The following JAM3 variants were observed in gnomAD, a reference collection of about 807,000 sequenced individuals.
The protein encoded by JAM3 is junctional adhesion molecule 3.
In JAM3, 31 loss-of-function variants were observed where a neutral mutation model predicts 39.4. The observed-to-expected ratio is 0.79, with a 90% CI of 0.59 to 1.06. The LOEUF (loss-of-function observed/expected upper bound fraction) is 1.06. Ranked by LOEUF, JAM3 falls within the 50% of genes least tolerant of loss-of-function variation. The pLI, the probability that JAM3 is intolerant of heterozygous loss-of-function variation, is 0.00. For synonymous variants in JAM3, 182 were observed against 148.7 expected (o/e 1.22, Z -1.63); for missense variants, 455 against 391.4 (o/e 1.16, Z -1.37).
In JAM3 at chr11:134,142,876, T is replaced by C. The variant is rs141163344; in HGVS notation, c.257-1365T>C. Among the ~76,000 whole-genome samples, 23 of 152,342 alleles carry C rather than the reference T, an allele frequency of 1.5e-4. No homozygotes were observed. In the East Asian group the frequency reaches 3.3e-3, roughly 22 times the overall value. Reference sequence around the variant, plus strand: ...ACTGTGGTCTTCCATGGCTGACGTCTTTCACTCAGCATCCTGTTTTCAAGG... The same window carrying C: ...ACTGTGGTCTTCCATGGCTGACGTCCTTCACTCAGCATCCTGTTTTCAAGG... On this transcript the variant is annotated intron_variant, in intron 3 of 8. Coordinates refer to ENST00000299106, the MANE Select transcript of JAM3 (RefSeq NM_032801.5).
At chr11:134,145,517 C>A in intron 5 of JAM3, 1 of 321,364 alleles carries the variant, frequency 3.1e-6, no homozygotes, top group African/African-American at 2.1e-5. Flanking sequence ...GACAAAGTGA[C>A]CTGGCCAGCA....
intron 1 of JAM3, among the ~76,000 whole-genome samples, chr11:134,116,034 G>T (rs1018502492): frequency 6.6e-6 from 1 of 152,192 alleles, no homozygotes; most frequent in East Asian, 1.9e-4. Context: ...TTTAGGTGGT[G>T]TCTACAAGGT....
intron 3 of JAM3, among the ~76,000 whole-genome samples, chr11:134,141,560 G>A (rs948027655): frequency 1.3e-5 from 2 of 152,082 alleles, no homozygotes; most frequent in Non-Finnish European, 2.9e-5. Context: ...CTCAGGGGAG[G>A]TGCCGTGGCT....
chr11:134,123,892 A>T lies in JAM3; in HGVS notation c.77-15959A>T, dbSNP rs1442787332. The T allele has an allele frequency of 6.2e-6, 6 of 967,704 alleles. No homozygotes were observed. In the East Asian group the frequency reaches 1.4e-4, roughly 23 times the overall value. 59.9% of individuals were successfully genotyped at this position (967,704 alleles called of 1,614,324 possible). On this transcript the variant is annotated intron_variant, in intron 1 of 8. Transcript: ENST00000299106. ...CACATCTTAGGTCAGTATTTCTCCA[A>T]GTAAAGCAGCTGTTTGGAATTGAAG...
intron 1 of JAM3, among the ~76,000 whole-genome samples, chr11:134,073,679 A>G (rs1437419005): frequency 6.6e-6 from 1 of 151,994 alleles, no homozygotes; most frequent in Non-Finnish European, 1.5e-5. Context: ...AGGGTAATTG[A>G]CTCCGATTTA....
chr11:134,119,943 C>T (rs1942502819), intron 1 of JAM3, among the ~76,000 whole-genome samples: 1 of 152,104 alleles, frequency 6.6e-6, no homozygotes, highest in Non-Finnish European at 1.5e-5. Flanking sequence ...TGGCTGTGCT[C>T]TTGTCAGAAC....
chr11:134,131,707 C>G (rs974418503), intron 1 of JAM3, among the ~76,000 whole-genome samples: 1 of 152,026 alleles, frequency 6.6e-6, no homozygotes, highest in Non-Finnish European at 1.5e-5. Context: ...GGCAATCAGG[C>G]AAACAGTCCC....
rs1942946833 is a variant in JAM3 at position 134,140,059 on chromosome 11, A to C, written c.142+143A>C. 1.4e-5 allele frequency: 10 copies of C among 715,000 alleles called. No homozygotes were observed. In the Admixed American group the frequency reaches 2.0e-4, roughly 15 times the overall value. The allele number at this position is 715,000 out of a possible 1,614,324, so 44.3% of individuals were successfully genotyped here. On this transcript the variant is annotated intron_variant, in intron 2 of 8. Coordinates refer to ENST00000299106, the MANE Select transcript of JAM3 (RefSeq NM_032801.5). ...ACTGCTCTGCGGTGCACAGGCCTGG[A>C]AGCATGGCATCAGCAGGCCGGCAGT... is the stretch of plus-strand genomic sequence containing the variant.
chr11:134,113,495 A>C (rs556714367), intron 1 of JAM3, among the ~76,000 whole-genome samples: 1 of 152,262 alleles, frequency 6.6e-6, no homozygotes, highest in South Asian at 2.1e-4. Context: ...TTCCAGCTTC[A>C]TCCATATCCC....
chr11:134,087,280 A>G (rs1941761234), intron 1 of JAM3, among the ~76,000 whole-genome samples: 2 of 152,200 alleles, frequency 1.3e-5, no homozygotes, highest in Non-Finnish European at 2.9e-5. Context: ...GAAGAAAAGG[A>G]AAACACTGTA....
chr11:134,097,655 A>C (rs141467540), intron 1 of JAM3, among the ~76,000 whole-genome samples: 1 of 152,288 alleles, frequency 6.6e-6, no homozygotes, highest in East Asian at 1.9e-4. Flanking sequence ...AAAGCATTAA[A>C]AACAATTTAA....
chr11:134,122,949 A>C (rs1279346663), intron 1 of JAM3, among the ~76,000 whole-genome samples: 1 of 152,212 alleles, frequency 6.6e-6, no homozygotes, highest in Non-Finnish European at 1.5e-5. Context: ...TTTAGAAGAC[A>C]AGTTTCTGGG....
chr11:134,121,250 G>A (rs1942526945), intron 1 of JAM3, among the ~76,000 whole-genome samples: 1 of 152,194 alleles, frequency 6.6e-6, no homozygotes, highest in African/African-American at 2.4e-5. Flanking sequence ...GCAGACTCTG[G>A]CAGAGTTTCC....
At chr11:134,134,482 CAG>C (rs1272908817) in intron 1 of JAM3, among the ~76,000 whole-genome samples, 1 of 137,956 alleles carries the variant, frequency 7.2e-6, no homozygotes, top group Non-Finnish European at 1.6e-5. Flanking sequence ...CATAAGAAGA[CAG>C]AGGGGAAAAG....
chr11:134,114,479 A>G (rs569014139), intron 1 of JAM3, among the ~76,000 whole-genome samples: 5 of 152,312 alleles, frequency 3.3e-5, no homozygotes, highest in Middle Eastern at 3.4e-3. Flanking sequence ...GGTTTGTCAA[A>G]GATCAGATGG....
intron 1 of JAM3, among the ~76,000 whole-genome samples, chr11:134,137,241 AC>A: frequency 6.6e-6 from 1 of 152,178 alleles, no homozygotes. Context: ...GGTTTAGTTT[AC>A]CTTCCAAGTT....
At chr11:134,148,306 G>T in intron 6 of JAM3, 1 of 565,748 alleles carries the variant, frequency 1.8e-6, no homozygotes, top group Admixed American at 3.0e-5. Flanking sequence ...ACACTTTTCA[G>T]TGCGACTGCA....
At chr11:134,111,474 C>T (rs1394707901) in intron 1 of JAM3, among the ~76,000 whole-genome samples, 1 of 152,038 alleles carries the variant, frequency 6.6e-6, no homozygotes, top group Admixed American at 6.6e-5. Context: ...TATGCACAAT[C>T]ATAAGGGAAA....
At position 134,108,842 on chromosome 11, in the gene JAM3, A is replaced by G. The variant is rs1053047494; in HGVS notation, c.77-31009A>G. Among the ~76,000 whole-genome samples, 5 of 152,340 alleles carry G rather than the reference A, an allele frequency of 3.3e-5. No homozygotes were observed. The South Asian group carries it at 8.3e-4, about 25-fold the overall frequency. On this transcript the variant is annotated intron_variant, in intron 1 of 8. Coordinates refer to ENST00000299106, the MANE Select transcript of JAM3 (RefSeq NM_032801.5). Reference sequence around the variant, plus strand: ...AATCAATAAACCAAAAGCTGGTTCAATTAAGCCAAAAATTAGGAATAGAGG... The same window carrying G: ...AATCAATAAACCAAAAGCTGGTTCAGTTAAGCCAAAAATTAGGAATAGAGG...
Sources: gnomAD v4.1 joint callset for allele counts (sites outside exome capture counted in the v4.1 genomes callset) on GRCh38, gnomAD v4.1.1 for gene constraint, MANE v1.5 for transcripts, NCBI Gene and HGNC (gene_info 2026-07-23, HGNC 2026-07-21) for gene names.